Variants in HPSE2 observed in about 807,000 individuals in gnomAD.
HPSE2 encodes the protein heparanase 2 (inactive).
HPSE2 carries 38 observed loss-of-function variants against 60.5 expected under a neutral mutation model. The observed-to-expected ratio is 0.63, with a 90% CI of 0.48 to 0.82. The LOEUF is 0.82. HPSE2 is among the 40% of genes least tolerant of loss of function. The pLI is 0.00. For synonymous variants in HPSE2, 295 were observed against 293.2 expected (o/e 1.01, Z -0.06); for missense variants, 713 against 740.4 (o/e 0.96, Z 0.43).
At chr10:99,194,765 G>A (rs1032000794) in intron 2 of HPSE2, among the ~76,000 whole-genome samples, 4 of 151,772 alleles carry the variant, frequency 2.6e-5, no homozygotes, top group Non-Finnish European at 5.9e-5. Context: ...TTCCAGCAAA[G>A]AAAAGCCCAG....
At position 99,099,353 on chromosome 10, in the gene HPSE2, C is replaced by A. The variant is rs573148165; in HGVS notation, c.610+44885G>T. ...GCACACCAGGAGATTATATCCCGCACATGGCTCACAGGGACCCATGCCCGT... is the reference window on the plus strand; with the variant it reads ...GCACACCAGGAGATTATATCCCGCAAATGGCTCACAGGGACCCATGCCCGT... On this transcript the variant is annotated intron_variant, in intron 3 of 11. Transcript: ENST00000370552. 8.0e-4 allele frequency among the ~76,000 whole-genome samples: 122 copies of A among 152,354 alleles called. No individual in the cohort carries two copies. In the Middle Eastern group the frequency reaches 0.01, roughly 13 times the overall value.
At chr10:98,804,880 C>T (rs1354445387) in intron 3 of HPSE2, among the ~76,000 whole-genome samples, 1 of 151,986 alleles carries the variant, frequency 6.6e-6, no homozygotes, top group African/African-American at 2.4e-5. Flanking sequence ...TGCAAGCAAC[C>T]CAAGTGTCCA....
intron 11 of HPSE2, among the ~76,000 whole-genome samples, chr10:98,472,512 A>G (rs1332546382): frequency 6.6e-6 from 1 of 152,180 alleles, no homozygotes; most frequent in Non-Finnish European, 1.5e-5. Flanking sequence ...CTTGCTTTGT[A>G]AAAAATTATC....
At chr10:99,235,936 A>G (rs1849830618), upstream of HPSE2, 5 of 680,800 alleles carry the variant, frequency 7.3e-6, no homozygotes, top group South Asian at 7.7e-5. Context: ...CAACACACAC[A>G]CACTCTCTCT....
chr10:98,916,948 A>G (rs1954135826), intron 3 of HPSE2, among the ~76,000 whole-genome samples: 1 of 152,160 alleles, frequency 6.6e-6, no homozygotes, highest in African/African-American at 2.4e-5. Context: ...TCCTACTGGG[A>G]GGAAATGAGG....
At chr10:99,252,382 A>C in the HPSE2 span, among the ~76,000 whole-genome samples, 1 of 152,156 alleles carries the variant, frequency 6.6e-6, no homozygotes, top group Non-Finnish European at 1.5e-5. Context: ...AAGTCAAACT[A>C]TCTCTCTTTA....
At chr10:99,310,967 C>G in the HPSE2 span, among the ~76,000 whole-genome samples, 2 of 152,126 alleles carry the variant, frequency 1.3e-5, no homozygotes, top group African/African-American at 4.8e-5. Flanking sequence ...AAATTCATAT[C>G]ATTTTTATTT....
intron 3 of HPSE2, among the ~76,000 whole-genome samples, chr10:98,866,889 T>C (rs1158158447): frequency 6.6e-6 from 1 of 152,186 alleles, no homozygotes; most frequent in Non-Finnish European, 1.5e-5. Flanking sequence ...AAGATTGTCC[T>C]TAAGGCAGAA....
chr10:98,735,288 C>T (rs1050790654), intron 4 of HPSE2, among the ~76,000 whole-genome samples: 1 of 9,968 alleles, frequency 1.0e-4, no homozygotes, highest in African/African-American at 3.9e-4. Flanking sequence ...TGGCAGCTTC[C>T]ACATGGTATT....
intron 3 of HPSE2, among the ~76,000 whole-genome samples, chr10:98,748,492 C>A (rs954619707): frequency 6.6e-6 from 1 of 152,104 alleles, no homozygotes; most frequent in African/African-American, 2.4e-5. Context: ...CCAGAGGGGG[C>A]CAATGCCTCT....
chr10:98,607,087 C>T (rs11189714), intron 9 of HPSE2, among the ~76,000 whole-genome samples: 4,507 of 143,980 alleles, frequency 0.031, 185 homozygotes, highest in East Asian at 0.19. Flanking sequence ...CTCTCCCTCC[C>T]TCCCTCCCTC....
At chr10:98,965,298 T>C (rs2135247895) in intron 3 of HPSE2, among the ~76,000 whole-genome samples, 1 of 152,312 alleles carries the variant, frequency 6.6e-6, no homozygotes, top group African/African-American at 2.4e-5. Flanking sequence ...GTATAAAGGA[T>C]ACTAGACTCT....
intron 3 of HPSE2, among the ~76,000 whole-genome samples, chr10:98,882,636 G>GTAGA (rs976310805): frequency 9.9e-5 from 15 of 152,164 alleles, no homozygotes; most frequent in African/African-American, 3.6e-4. Context: ...ATTCCATTGG[G>GTAGA]TAGAGCAAGT....
intron 3 of HPSE2, among the ~76,000 whole-genome samples, chr10:99,132,146 GAAGAAAGAAAGA>G (rs1199987336): frequency 9.1e-4 from 26 of 28,534 alleles, no homozygotes; most frequent in Middle Eastern, 0.016. Flanking sequence ...AGAAAGAAAG[GAAGAAAGAAAGA>G]AAGAAAGAAA....
intron 3 of HPSE2, among the ~76,000 whole-genome samples, chr10:98,942,502 A>G (rs1483154276): frequency 6.6e-6 from 1 of 151,772 alleles, no homozygotes; most frequent in Non-Finnish European, 1.5e-5. Flanking sequence ...ACTGGCCATC[A>G]GAGAAATGCA....
intron 3 of HPSE2, among the ~76,000 whole-genome samples, chr10:98,825,407 T>G (rs1951519108): frequency 6.6e-6 from 1 of 152,220 alleles, no homozygotes; most frequent in African/African-American, 2.4e-5. Flanking sequence ...CTTAAGTGTT[T>G]GCTCTTCCTC....
chr10:98,836,492 A>G (rs890310774), intron 3 of HPSE2, among the ~76,000 whole-genome samples: 7 of 152,104 alleles, frequency 4.6e-5, no homozygotes, highest in African/African-American at 1.7e-4. Flanking sequence ...AAGCAATTAC[A>G]TCATGAATCT....
intron 3 of HPSE2, among the ~76,000 whole-genome samples, chr10:99,127,035 A>G (rs1845190475): frequency 6.6e-6 from 1 of 152,178 alleles, no homozygotes; most frequent in Non-Finnish European, 1.5e-5. Flanking sequence ...GACATAGTCT[A>G]CCCAAATGAG....
intron 3 of HPSE2, among the ~76,000 whole-genome samples, chr10:99,068,780 G>A (rs1170658988): frequency 6.6e-6 from 1 of 152,132 alleles, no homozygotes; most frequent in Non-Finnish European, 1.5e-5. Context: ...ATGAATGAAA[G>A]AGGGCACATC....
Sources: gnomAD v4.1 joint callset for allele counts (sites outside exome capture counted in the v4.1 genomes callset) on GRCh38, gnomAD v4.1.1 for gene constraint, MANE v1.5 for transcripts, NCBI Gene and HGNC (gene_info 2026-07-23, HGNC 2026-07-21) for gene names.